Variants in DAB1 observed in about 807,000 individuals in gnomAD.
DAB1 encodes the protein DAB adaptor protein 1.
Under a neutral mutation model 64.6 loss-of-function variants are expected in DAB1, and 15 were observed. The observed-to-expected ratio is 0.23, with a 90% CI of 0.16 to 0.36. DAB1 has a LOEUF of 0.36. Ranked by LOEUF, DAB1 falls within the 10% of genes least tolerant of loss-of-function variation. DAB1 has a pLI of 1.00. For missense variants in DAB1, 596 were observed against 706.7 expected (o/e 0.84, Z 1.78); for synonymous variants, 235 against 251.9 (o/e 0.93, Z 0.64).
At chr1:57,156,068 T>A (rs1660193454) in intron 2 of DAB1, among the ~76,000 whole-genome samples, 1 of 152,198 alleles carries the variant, frequency 6.6e-6, no homozygotes, top group Non-Finnish European at 1.5e-5. Flanking sequence ...CTGTCTTTAA[T>A]GTGTAGCAGG....
chr1:57,541,710 C>T (rs1644805395), intron 7 of DAB1, among the ~76,000 whole-genome samples: 1 of 151,834 alleles, frequency 6.6e-6, no homozygotes, highest in South Asian at 2.1e-4. Flanking sequence ...TTGCTTTGGG[C>T]CTTAGAAAAA....
intron 4 of DAB1, among the ~76,000 whole-genome samples, chr1:58,204,783 G>A (rs1658178163): frequency 6.6e-6 from 1 of 152,188 alleles, no homozygotes; most frequent in African/African-American, 2.4e-5. Context: ...CAACATTACA[G>A]GATATGAATG....
intron 1 of DAB1, among the ~76,000 whole-genome samples, chr1:57,360,277 G>A (rs1051187938): frequency 1.1e-4 from 16 of 151,878 alleles, no homozygotes; most frequent in African/African-American, 2.7e-4. Flanking sequence ...AGTACTAGGC[G>A]GTATTACAAA....
At chr1:57,482,718 T>A (rs1489432174) in intron 7 of DAB1, among the ~76,000 whole-genome samples, 3 of 152,210 alleles carry the variant, frequency 2.0e-5, no homozygotes, top group African/African-American at 7.2e-5. Context: ...AAAAATGACA[T>A]TCACCCCAAT....
intron 1 of DAB1, among the ~76,000 whole-genome samples, chr1:57,851,015 A>G (rs576206029): frequency 3.0e-4 from 46 of 152,106 alleles, no homozygotes; most frequent in Non-Finnish European, 6.0e-4. Context: ...ATCAATTCCA[A>G]CATTCAGTTA....
intron 2 of DAB1, among the ~76,000 whole-genome samples, chr1:57,171,171 G>C (rs1441777568): frequency 6.6e-6 from 1 of 152,120 alleles, no homozygotes; most frequent in African/African-American, 2.4e-5. Context: ...GCCAGGTGGA[G>C]GTTTTTCCAT....
intron 1 of DAB1, among the ~76,000 whole-genome samples, chr1:57,327,033 G>A (rs1463016315): frequency 6.6e-6 from 1 of 152,102 alleles, no homozygotes; most frequent in Non-Finnish European, 1.5e-5. Context: ...CAACCTCCCA[G>A]GCTCAAGTGA....
intron 4 of DAB1, among the ~76,000 whole-genome samples, chr1:58,217,815 T>C (rs570963376): frequency 1.2e-4 from 18 of 152,264 alleles, no homozygotes; most frequent in East Asian, 3.9e-4. Flanking sequence ...ACATTCCCCA[T>C]AGTACCTAAC....
At chr1:58,101,318 AAAAAT>A (rs879789456) in intron 5 of DAB1, among the ~76,000 whole-genome samples, 3 of 152,158 alleles carry the variant, frequency 2.0e-5, no homozygotes, top group African/African-American at 7.2e-5. Context: ...CTCCGTCTCA[AAAAAT>A]AAAATAAAAT....
chr1:58,189,611 T>C (rs555051524), intron 4 of DAB1, among the ~76,000 whole-genome samples: 17 of 152,302 alleles, frequency 1.1e-4, no homozygotes, highest in Middle Eastern at 3.4e-3. Context: ...TGGTTGCAGG[T>C]CCCCACTGAC....
At chr1:57,679,985 T>C (rs990443886) in intron 6 of DAB1, among the ~76,000 whole-genome samples, 4 of 152,224 alleles carry the variant, frequency 2.6e-5, no homozygotes, top group Non-Finnish European at 4.4e-5. Flanking sequence ...AGCTTGTAAA[T>C]AGGTGAATGG....
chr1:58,454,560 A>C (rs1032525443), intron 3 of DAB1, among the ~76,000 whole-genome samples: 12 of 152,080 alleles, frequency 7.9e-5, no homozygotes, highest in Non-Finnish European at 1.3e-4. Flanking sequence ...CGTGTCTGTG[A>C]AGGGCACTCA....
chr1:58,066,889 A>C (rs1648888085), intron 5 of DAB1, among the ~76,000 whole-genome samples: 1 of 152,216 alleles, frequency 6.6e-6, no homozygotes, highest in African/African-American at 2.4e-5. Context: ...TCTCTGCTGA[A>C]TACCTTCAGC....
At chr1:57,532,339 CATTT>C (rs1408896948) in intron 7 of DAB1, among the ~76,000 whole-genome samples, 2 of 135,808 alleles carry the variant, frequency 1.5e-5, no homozygotes, top group Non-Finnish European at 3.2e-5. Flanking sequence ...TTCATTCATT[CATTT>C]ATTCTTCCAG....
intron 5 of DAB1, among the ~76,000 whole-genome samples, chr1:58,022,880 G>C (rs1646834303): frequency 6.6e-6 from 1 of 151,878 alleles, no homozygotes; most frequent in Non-Finnish European, 1.5e-5. Context: ...TTATTTTTCT[G>C]AATAGCCTAT....
At chr1:57,218,388 T>G (rs2764660) in intron 2 of DAB1, among the ~76,000 whole-genome samples, 42,035 of 151,674 alleles carry the variant, frequency 0.28, 7,411 homozygotes, top group Middle Eastern at 0.42. Flanking sequence ...TCCTAAAGCT[T>G]TCATAACCAG....
At chr1:58,303,623 C>G (rs1662224575) in intron 4 of DAB1, among the ~76,000 whole-genome samples, 1 of 152,108 alleles carries the variant, frequency 6.6e-6, no homozygotes, top group Non-Finnish European at 1.5e-5. Flanking sequence ...CTATGTCATT[C>G]CTTTATAAAG....
rs753298152 is a variant in DAB1, at chr1:57,329,232, C to T, written c.-136-38066G>A. On this transcript the variant is annotated intron_variant, in intron 1 of 14. Coordinates refer to ENST00000371236, the MANE Select transcript of DAB1 (RefSeq NM_001365792.1). ...CCAAGGTCACAAAACTAATTAGTGC[C>T]GCAAGAGGAGCGGATCCCAGGCAGC... is the stretch of plus-strand genomic sequence containing the variant. Among the ~76,000 whole-genome samples, 8 of 152,236 alleles carry T rather than the reference C, an allele frequency of 5.3e-5. No individual in the cohort carries two copies. The South Asian group carries it at 6.2e-4, about 12-fold the overall frequency.
intron 4 of DAB1, among the ~76,000 whole-genome samples, chr1:58,190,542 TA>T (rs1657330689): frequency 6.6e-6 from 1 of 152,210 alleles, no homozygotes. Flanking sequence ...CTTCTTTTTT[TA>T]AACAAACCAC....
Sources: gnomAD v4.1 joint callset for allele counts (sites outside exome capture counted in the v4.1 genomes callset) on GRCh38, gnomAD v4.1.1 for gene constraint, MANE v1.5 for transcripts, NCBI Gene and HGNC (gene_info 2026-07-23, HGNC 2026-07-21) for gene names.